Variants in ZNF180 observed in about 807,000 individuals in gnomAD.
ZNF180 encodes zinc finger protein 180.
ZNF180 carries 11 observed loss-of-function variants against 11.8 expected under a neutral mutation model. The observed-to-expected ratio is 0.93, with a 90% CI of 0.59 to 1.55. The LOEUF (loss-of-function observed/expected upper bound fraction) is 1.55, where lower values mean the gene tolerates loss of function less well. Among genes scored for constraint, ZNF180 ranks in the 40% most tolerant of loss-of-function variants. The pLI is 0.00. For missense variants in ZNF180, 773 were observed against 781.7 expected, an observed-to-expected ratio of 0.99 and a Z score of 0.13; for synonymous variants, 287 against 257.7, an observed-to-expected ratio of 1.11 and a Z score of -1.09.
Position 44,476,940 on chromosome 19 carries a change from G to C in ZNF180, c.1460C>G (p.Thr487Ser). The stretch of plus-strand genomic sequence containing the variant: ...TTCAAAGGGTTTTTCTCCTGTGTGA[G>C]TTCTCTGATGAGCAACAAGTTTATA... ...QSYKLVAHQR[T>S]HTGEKPFECN... The change falls in exon 5 of 5, where the codon ACT (threonine) becomes AGT (serine). Residue 487 changes from threonine (T) to serine (S), a missense_variant. By Grantham distance (58) the Thr-to-Ser change is moderately conservative (BLOSUM62 1). Transcript: ENST00000592529. 1 of 1,613,674 alleles carries C rather than the reference G, an allele frequency of 6.2e-7. No individual in the cohort carries two copies. Among genetic ancestry groups the C allele is most frequent in the Middle Eastern group, 1.6e-4 (1 of 6,062 alleles).
At chr19:44,490,130 G>A (rs2123485139) in intron 2 of ZNF180, among the ~76,000 whole-genome samples, 1 of 130,788 alleles carries the variant, frequency 7.6e-6, no homozygotes, top group East Asian at 2.4e-4. Flanking sequence ...GGGAAGGGAA[G>A]GGAAGGGAAA....
At chr19:44,500,081 G>A (rs952834054) in intron 1 of ZNF180, 194 bp downstream of exon 1, 3 of 1,473,496 alleles carry the variant, frequency 2.0e-6, no homozygotes, top group Non-Finnish European at 2.8e-6. Context: ...AAGCACCCGC[G>A]CATGCACGCA....
In ZNF180 at chr19:44,497,365, G is replaced by A. The variant is rs769637919; in HGVS notation, c.-31C>T. ...CCTCCAGGCACAGCAGGGTGCTGAG[G>A]TCCTGAGCTGCACTGAGAGAAGCCC... On this transcript the variant is annotated 5_prime_UTR_variant, in exon 2 of 5. Coordinates refer to ENST00000592529, the MANE Select transcript of ZNF180 (RefSeq NM_001278509.3). The A allele has an allele frequency of 4.4e-6, 7 of 1,595,686 alleles. No homozygotes were observed. Among genetic ancestry groups the A allele is most frequent in the African/African-American group, 4.1e-5 (3 of 73,734 alleles).
chr19:44,481,355 A>G (rs2571044), intron 3 of ZNF180, among the ~76,000 whole-genome samples: 36,659 of 152,178 alleles, frequency 0.24, 5,601 homozygotes, highest in South Asian at 0.39. Context: ...TGTTTTCATG[A>G]TTAGCCCAAC....
In ZNF180 at chr19:44,477,647, A is replaced by G. The variant is rs779259017; in HGVS notation, c.753T>C (p.Arg251=). The G allele has an allele frequency of 6.2e-7, 1 of 1,614,004 alleles. No individual in the cohort carries two copies. Among genetic ancestry groups the G allele is most frequent in the Non-Finnish European group, 8.5e-7 (1 of 1,179,938 alleles). Residue 251 remains arginine (R), a synonymous_variant, in exon 5 of 5, where the codon CGT becomes CGC. Transcript: ENST00000592529. ...GTGTACCATGGCAAAAAGATTGAATACGGTCACTAAATCCATAGGATTTAT... is the reference window on the plus strand; with the variant it reads ...GTGTACCATGGCAAAAAGATTGAATGCGGTCACTAAATCCATAGGATTTAT... ...TKDKSYGFSD[R]IQSFCHGTPL...
intron 3 of ZNF180, among the ~76,000 whole-genome samples, chr19:44,483,355 C>G (rs1970132994): frequency 6.6e-6 from 1 of 152,140 alleles, no homozygotes; most frequent in African/African-American, 2.4e-5. Flanking sequence ...AGGAAGTGGA[C>G]CTGGCAAATT....
At chr19:44,486,460 G>T (rs1300137296) in intron 2 of ZNF180, among the ~76,000 whole-genome samples, 1 of 152,136 alleles carries the variant, frequency 6.6e-6, no homozygotes, top group Non-Finnish European at 1.5e-5. Context: ...GTGTCCTCAG[G>T]TTTTTTCCTA....
chr19:44,491,171 T>C (rs1022619067), intron 2 of ZNF180, among the ~76,000 whole-genome samples: 6 of 152,350 alleles, frequency 3.9e-5, no homozygotes, highest in African/African-American at 1.2e-4. Flanking sequence ...ACCTGTAACT[T>C]TGCATTTGTC....
intron 1 of ZNF180, among the ~76,000 whole-genome samples, chr19:44,499,693 G>C (rs1206210012): frequency 6.6e-6 from 1 of 152,166 alleles, no homozygotes; most frequent in Non-Finnish European, 1.5e-5. Flanking sequence ...GGGTTCACTA[G>C]CAACACTGCC....
In ZNF180 at chr19:44,478,124, T is replaced by C. The variant is rs1969982457; in HGVS notation, c.276A>G (p.Lys92=). ...VSWDLATAVG[K]KDSTSKQRIF... ...TCCTCTGCTTTGAAGTTGAATCTTT[T>C]TTTCCAACTGCAGTTGCCAAGTCTG... The change falls in exon 5 of 5, where the codon AAA becomes AAG. Residue 92 remains lysine (K), a synonymous_variant. Coordinates refer to ENST00000592529, the MANE Select transcript of ZNF180 (RefSeq NM_001278509.3). 1 of 1,575,354 alleles carries C rather than the reference T, an allele frequency of 6.3e-7. No homozygotes were observed. The highest frequency in any genetic ancestry group is 8.6e-7 in the Non-Finnish European group (1 of 1,159,364).
intron 2 of ZNF180, chr19:44,485,003 A>T (rs1226381007): frequency 2.6e-5 from 4 of 152,876 alleles, no homozygotes; most frequent in African/African-American, 7.3e-5. Flanking sequence ...TCTACTAAAT[A>T]TACAAAAACT....
intron 3 of ZNF180, 174 bp from the exon 4 acceptor site, chr19:44,479,583 C>G (rs1405236785): frequency 1.3e-6 from 1 of 777,218 alleles, no homozygotes; most frequent in Non-Finnish European, 2.0e-6. Context: ...TGGGTGAGCT[C>G]TTTGGGTTTT....
At chr19:44,492,931 A>G (rs1459578337) in intron 2 of ZNF180, among the ~76,000 whole-genome samples, 2 of 152,200 alleles carry the variant, frequency 1.3e-5, no homozygotes, top group Non-Finnish European at 2.9e-5. Context: ...TATGGCGTCC[A>G]CAGGGCCCAT....
rs1430531076 is a variant in ZNF180 at position 44,482,269 on chromosome 19, T to C, written c.126+2092A>G. Among the ~76,000 whole-genome samples the C allele has an allele frequency of 2.6e-5, 4 of 152,200 alleles. No homozygotes were observed. In the East Asian group the frequency reaches 5.8e-4, roughly 22 times the overall value. ...GCTGCAGTGAGCCATGATCACACCATTGCAGTCCAGCCTGGGTAACTGGAG... is the reference window on the plus strand; with the variant it reads ...GCTGCAGTGAGCCATGATCACACCACTGCAGTCCAGCCTGGGTAACTGGAG... On this transcript the variant is annotated intron_variant, in intron 3 of 4. Coordinates refer to ENST00000592529, the MANE Select transcript of ZNF180 (RefSeq NM_001278509.3).
At chr19:44,487,741 G>T (rs1970267188) in intron 2 of ZNF180, among the ~76,000 whole-genome samples, 1 of 152,006 alleles carries the variant, frequency 6.6e-6, no homozygotes, top group Non-Finnish European at 1.5e-5. Flanking sequence ...TTTGGTTTTG[G>T]TTTTGAGACA....
At chr19:44,488,738 T>C (rs527607421) in intron 2 of ZNF180, among the ~76,000 whole-genome samples, 5 of 150,840 alleles carry the variant, frequency 3.3e-5, no homozygotes, top group Non-Finnish European at 7.4e-5. Flanking sequence ...GTCTGGGATG[T>C]GAGGAGCCCC....
intron 3 of ZNF180, among the ~76,000 whole-genome samples, chr19:44,484,058 A>G (rs2571041): frequency 0.74 from 111,098 of 150,288 alleles, 41,760 homozygotes; most frequent in East Asian, 1. Context: ...GCAGTGGCGC[A>G]ATCTCGGCTC....
chr19:44,476,134 G>C lies in ZNF180; in HGVS notation c.*268C>G, dbSNP rs1196350017. 3 of 313,914 alleles carry C rather than the reference G, an allele frequency of 9.6e-6. No individual in the cohort carries two copies. The highest frequency in any genetic ancestry group is 1.7e-5 in the Non-Finnish European group (3 of 172,360). The allele number at this position is 313,914 out of a possible 1,614,324, so 19.4% of individuals were successfully genotyped here. A position where few individuals can be genotyped will look rare whatever the true frequency, so the allele number is the denominator to read the frequency against. ...TTCAGGTCTGAGTGCTTTCTGCAAG[G>C]AAAAGTGCCAGTATTTATTATTTTC... On this transcript the variant is annotated 3_prime_UTR_variant, in exon 5 of 5. Coordinates refer to ENST00000592529, the MANE Select transcript of ZNF180 (RefSeq NM_001278509.3).
At chr19:44,484,760 G>A (rs910823574) in intron 2 of ZNF180, 12 of 304,868 alleles carry the variant, frequency 3.9e-5, no homozygotes, top group East Asian at 1.2e-4. Flanking sequence ...ACTGTCCAGC[G>A]GGACCTGCCA....
Sources: gnomAD v4.1 joint callset for allele counts (sites outside exome capture counted in the v4.1 genomes callset) on GRCh38, gnomAD v4.1.1 for gene constraint, MANE v1.5 for transcripts, NCBI Gene and HGNC (gene_info 2026-07-23, HGNC 2026-07-21) for gene names.